Variants in PTPN4 observed in about 807,000 individuals in gnomAD.
PTPN4 encodes protein tyrosine phosphatase non-receptor type 4, also known as tyrosine-protein phosphatase non-receptor type 4.
A neutral mutation model predicts 135.5 loss-of-function variants in PTPN4; 49 were observed. The observed-to-expected ratio is 0.36, with a 90% confidence interval of 0.29 to 0.46. The LOEUF (loss-of-function observed/expected upper bound fraction) is 0.46, where lower values mean the gene tolerates loss of function less well. PTPN4 is among the 20% of genes least tolerant of loss of function. The pLI, the probability that PTPN4 is intolerant of heterozygous loss-of-function variation, is 1.00. For synonymous variants in PTPN4, 333 were observed against 369.9 expected, an observed-to-expected ratio of 0.90 and a Z score of 1.14; for missense variants, 860 against 1,101.0, an observed-to-expected ratio of 0.78 and a Z score of 3.10.
At chr2:119,886,291 G>A (rs905454155) in intron 9 of PTPN4, among the ~76,000 whole-genome samples, 5 of 152,168 alleles carry the variant, frequency 3.3e-5, no homozygotes, top group East Asian at 1.9e-4. Flanking sequence ...GCACTATTAC[G>A]AGTTTTTATT....
chr2:119,977,184 A>G lies in PTPN4; in HGVS notation c.*114A>G. The G allele has an allele frequency of 7.2e-7, 1 of 1,383,730 alleles. No homozygotes were observed. Among genetic ancestry groups the G allele is most frequent in the Non-Finnish European group, 9.4e-7 (1 of 1,066,270 alleles). The allele number at this position is 1,383,730 out of a possible 1,614,324, so 85.7% of individuals were successfully genotyped here. A position where few individuals can be genotyped will look rare whatever the true frequency, so the allele number is the denominator to read the frequency against. On this transcript the variant is annotated 3_prime_UTR_variant, in exon 27 of 27. Coordinates refer to ENST00000263708, the MANE Select transcript of PTPN4 (RefSeq NM_002830.4). Reference sequence around the variant, plus strand: ...TACAAAAAAAAAATGAAGAACTCAAAAAAACTTTGAAAACTTCAGCACTGT... The same window carrying G: ...TACAAAAAAAAAATGAAGAACTCAAGAAAACTTTGAAAACTTCAGCACTGT...
At chr2:119,941,932 C>T (rs912575376) in intron 15 of PTPN4, among the ~76,000 whole-genome samples, 1 of 152,196 alleles carries the variant, frequency 6.6e-6, no homozygotes, top group African/African-American at 2.4e-5. Flanking sequence ...ACAGCAGCTG[C>T]CACTTGGCTT....
chr2:119,877,308 T>C lies in PTPN4; in HGVS notation c.247-15T>C, dbSNP rs1677999462. 6.2e-7 allele frequency: 1 copy of C among 1,606,350 alleles called. No homozygotes were observed. The highest frequency in any genetic ancestry group is 1.7e-5 in the Admixed American group (1 of 58,560). ...CAAGGAAAAAAGAAATCAGTTTTAT[T>C]TATTTATTTTTCAGAGGTGGCTGGA... On this transcript the variant is annotated splice_polypyrimidine_tract_variant and intron_variant, in intron 3 of 26. Transcript: ENST00000263708.
At chr2:119,890,346 C>T (rs377665205) in intron 9 of PTPN4, among the ~76,000 whole-genome samples, 12 of 151,658 alleles carry the variant, frequency 7.9e-5, no homozygotes, top group Admixed American at 2.6e-4. Flanking sequence ...CCTAACTTCT[C>T]ATTTTCATTT....
In PTPN4 at chr2:119,761,720, A is replaced by G. The variant is rs80255266; in HGVS notation, c.-18+1336A>G. On this transcript the variant is annotated intron_variant, in intron 1 of 26. Transcript: ENST00000263708. Reference sequence around the variant, plus strand: ...GTATCATAATCTTCAGTGATTTATAAGAGAAACAGTCTATTTTGTACATGG... The same window carrying G: ...GTATCATAATCTTCAGTGATTTATAGGAGAAACAGTCTATTTTGTACATGG... Among the ~76,000 whole-genome samples, 549 of 152,342 alleles carry G rather than the reference A, an allele frequency of 3.6e-3. 1 individual carries two copies. Among genetic ancestry groups the G allele is most frequent in the Non-Finnish European group, 6.5e-3 (440 of 68,024 alleles).
In PTPN4 at chr2:119,946,342, C is replaced by G; in HGVS notation, c.1517C>G (p.Pro506Arg). The G allele has an allele frequency of 6.3e-7, 1 of 1,592,146 alleles. No individual in the cohort carries two copies. ...DIPSSPEKPT[P>R]NGGIPHDNLV... ...GTTATTTAATTTTGTCTTTTTAAGC[C>G]TAATGGTGGTATTCCACATGATAAT... is the stretch of plus-strand genomic sequence containing the variant. Residue 506 changes from proline (P) to arginine (R), a missense_variant and splice_region_variant, in exon 17 of 27, where the codon CCT (proline) becomes CGT (arginine). Physicochemically the swap from Pro to Arg is moderately radical, Grantham distance 103. This residue lies in a region of PTPN4 where 684 missense variants were observed against 807.0 expected (regional missense o/e 0.85). Coordinates refer to ENST00000263708, the MANE Select transcript of PTPN4 (RefSeq NM_002830.4).
chr2:119,808,668 C>T (rs1691526478), intron 1 of PTPN4, among the ~76,000 whole-genome samples: 1 of 152,146 alleles, frequency 6.6e-6, no homozygotes, highest in Non-Finnish European at 1.5e-5. Context: ...AAGCAATCCT[C>T]CCACCTCCCA....
chr2:119,825,256 G>T (rs994692513), intron 2 of PTPN4, among the ~76,000 whole-genome samples: 1 of 151,900 alleles, frequency 6.6e-6, no homozygotes, highest in African/African-American at 2.4e-5. Context: ...TAATATTACC[G>T]TAATTTTACT....
chr2:119,888,570 C>G (rs556547138), intron 9 of PTPN4, among the ~76,000 whole-genome samples: 1 of 152,106 alleles, frequency 6.6e-6, no homozygotes, highest in South Asian at 2.1e-4. Context: ...TTTACAATGT[C>G]TTTTGAGATG....
intron 1 of PTPN4, among the ~76,000 whole-genome samples, chr2:119,779,400 G>C (rs1199626600): frequency 6.6e-6 from 1 of 152,086 alleles, no homozygotes; most frequent in Non-Finnish European, 1.5e-5. Context: ...GGCGTATCAC[G>C]AGGTTAGGAG....
intron 2 of PTPN4, among the ~76,000 whole-genome samples, chr2:119,845,167 G>T (rs1471052190): frequency 6.1e-5 from 9 of 146,424 alleles, no homozygotes; most frequent in Non-Finnish European, 1.4e-4. Flanking sequence ...AGGCAGGGAG[G>T]TTGCAGTGAG....
intron 2 of PTPN4, among the ~76,000 whole-genome samples, chr2:119,852,250 G>GA (rs980230385): frequency 1.3e-5 from 2 of 151,860 alleles, no homozygotes; most frequent in African/African-American, 2.4e-5. Flanking sequence ...CCCTATTTGG[G>GA]AAAAAAAATT....
chr2:119,891,693 T>G (rs1678243155), intron 9 of PTPN4, among the ~76,000 whole-genome samples: 1 of 152,222 alleles, frequency 6.6e-6, no homozygotes, highest in Non-Finnish European at 1.5e-5. Context: ...TTTTCCTGAC[T>G]TATTTGTATT....
chr2:119,950,909 A>G (rs1679203353), intron 18 of PTPN4, among the ~76,000 whole-genome samples: 1 of 152,206 alleles, frequency 6.6e-6, no homozygotes, highest in African/African-American at 2.4e-5. Context: ...ATGACCTTTA[A>G]ATTTATTGTC....
chr2:119,824,349 G>T (rs1677115048), intron 2 of PTPN4, among the ~76,000 whole-genome samples: 1 of 152,162 alleles, frequency 6.6e-6, no homozygotes, highest in African/African-American at 2.4e-5. Flanking sequence ...TAGTATTTTT[G>T]TTTTTATATT....
chr2:119,811,624 T>G (rs1251326053), intron 2 of PTPN4, among the ~76,000 whole-genome samples: 1 of 152,156 alleles, frequency 6.6e-6, no homozygotes, highest in African/African-American at 2.4e-5. Context: ...TTCCTATTAT[T>G]CACGTGTTAG....
In PTPN4 at chr2:119,956,892, C is replaced by T. The variant is rs578047872; in HGVS notation, c.2029C>T (p.Pro677Ser). The change falls in exon 21 of 27, where the codon CCT becomes TCT. Residue 677 changes from proline (P) to serine (S), a missense_variant. This residue lies in a region of PTPN4 where 684 missense variants were observed against 807.0 expected (regional missense o/e 0.85). Transcript: ENST00000263708. ...AATGACAATGTCCTGTGCCAAATTACCTCAGAATATTTCCAAAAATAGATA... is the reference window on the plus strand; with the variant it reads ...AATGACAATGTCCTGTGCCAAATTATCTCAGAATATTTCCAAAAATAGATA... ...PGMTMSCAKL[P>S]QNISKNRYRD... is the part of the protein sequence containing the mutation. 1 of 1,608,498 alleles carries T rather than the reference C, an allele frequency of 6.2e-7. No homozygotes were observed. Among genetic ancestry groups the T allele is most frequent in the Admixed American group, 1.7e-5 (1 of 58,888 alleles).
intron 1 of PTPN4, among the ~76,000 whole-genome samples, chr2:119,808,755 A>G (rs1256291522): frequency 4.6e-5 from 7 of 152,134 alleles, no homozygotes. Context: ...TTACTTGGCA[A>G]GCGTCTCCTT....
At chr2:119,791,369 T>C (rs1691142631) in intron 1 of PTPN4, 1 of 152,262 alleles carries the variant, frequency 6.6e-6, no homozygotes, top group Non-Finnish European at 1.5e-5. Flanking sequence ...CTTGACCTTG[T>C]GATCTACCCA....
Sources: allele counts gnomAD v4.1 joint callset (sites outside exome capture counted in the v4.1 genomes callset), GRCh38; gene constraint gnomAD v4.1.1; regional missense constraint gnomAD v4.1.1; transcripts MANE v1.5; gene names NCBI Gene and HGNC (gene_info 2026-07-23, HGNC 2026-07-21).